Variants in KCNH8 observed in about 807,000 individuals in gnomAD.
KCNH8 encodes the protein voltage-gated delayed rectifier potassium channel KCNH8.
A neutral mutation model predicts 103.6 loss-of-function variants in KCNH8; 70 were observed. The ratio of observed to expected loss-of-function variants is 0.68; its 90% CI spans 0.56 to 0.82. The LOEUF is 0.82. Among genes scored for constraint, KCNH8 ranks in the 40% least tolerant of loss-of-function variants. The pLI is 0.00. For missense variants in KCNH8, 1,217 were observed against 1,329.9 expected, an observed-to-expected ratio of 0.92 and a Z score of 1.32; for synonymous variants, 498 against 489.4, an observed-to-expected ratio of 1.02 and a Z score of -0.23.
At chr3:19,426,229 C>G (rs1575053105) in intron 7 of KCNH8, among the ~76,000 whole-genome samples, 1 of 152,112 alleles carries the variant, frequency 6.6e-6, no homozygotes, top group East Asian at 1.9e-4. Flanking sequence ...CCCATTGTTG[C>G]TATGCCTCTT....
chr3:19,225,277 T>A (rs1199048852), intron 1 of KCNH8, among the ~76,000 whole-genome samples: 2 of 151,768 alleles, frequency 1.3e-5, no homozygotes, highest in Non-Finnish European at 2.9e-5. Flanking sequence ...AAAAATCCAA[T>A]CCATTATTTT....
At chr3:19,503,708 C>T (rs1308533908) in intron 11 of KCNH8, among the ~76,000 whole-genome samples, 1 of 143,660 alleles carries the variant, frequency 7.0e-6, no homozygotes, top group African/African-American at 2.6e-5. Context: ...TATTCTCACT[C>T]ATAGGTGGGA....
At chr3:19,358,511 A>G (rs563579255) in intron 5 of KCNH8, among the ~76,000 whole-genome samples, 43 of 151,962 alleles carry the variant, frequency 2.8e-4, no homozygotes, top group Non-Finnish European at 5.9e-4. Context: ...GATAAAACAA[A>G]ATTTGAAATG....
chr3:19,331,291 GTTA>G lies in KCNH8; in HGVS notation c.443-11281_443-11279del, dbSNP rs911773304. ...TTTATTTATTTATTTATTTATTGTT[GTTA>G]TTATTATTATTATTTTGAGATGGAG... On this transcript the variant is annotated intron_variant, in intron 3 of 15. Coordinates refer to ENST00000328405, the MANE Select transcript of KCNH8 (RefSeq NM_144633.3). Among the ~76,000 whole-genome samples the G allele has an allele frequency of 5.4e-5, 6 of 111,688 alleles. No homozygotes were observed. In the East Asian group the frequency reaches 8.8e-4, roughly 16 times the overall value. The allele number at this position is 111,688 out of a possible 152,430, so 73.3% of individuals were successfully genotyped here. A position where few individuals can be genotyped will look rare whatever the true frequency, so the allele number is the denominator to read the frequency against.
chr3:19,531,864 G>T (rs2069167519), intron 15 of KCNH8, among the ~76,000 whole-genome samples: 2 of 152,156 alleles, frequency 1.3e-5, no homozygotes, highest in South Asian at 4.1e-4. Context: ...TTAGCCCATA[G>T]GTTCAGCTGC....
chr3:19,345,056 G>A (rs2065711638), intron 4 of KCNH8, among the ~76,000 whole-genome samples: 1 of 152,058 alleles, frequency 6.6e-6, no homozygotes, highest in African/African-American at 2.4e-5. Context: ...TCATTAGCAG[G>A]TTTGGGAATC....
At chr3:19,305,104 GAAAAA>G (rs976869588) in intron 3 of KCNH8, among the ~76,000 whole-genome samples, 1 of 144,090 alleles carries the variant, frequency 6.9e-6, no homozygotes, top group Non-Finnish European at 1.5e-5. Flanking sequence ...CAGAAAAAAG[GAAAAA>G]AAAAAAGTGC....
intron 3 of KCNH8, among the ~76,000 whole-genome samples, chr3:19,298,891 C>T (rs183400624): frequency 4.8e-5 from 7 of 145,336 alleles, no homozygotes; most frequent in African/African-American, 1.0e-4. Context: ...CACTGCACTC[C>T]GGCCTGGGCG....
At chr3:19,347,021 T>C (rs538923933) in intron 4 of KCNH8, among the ~76,000 whole-genome samples, 8 of 152,092 alleles carry the variant, frequency 5.3e-5, no homozygotes, top group East Asian at 3.9e-4. Context: ...ACAGTGAACA[T>C]TGGCTTTCTC....
At chr3:19,438,763 T>C (rs2067237083) in intron 8 of KCNH8, among the ~76,000 whole-genome samples, 1 of 152,194 alleles carries the variant, frequency 6.6e-6, no homozygotes, top group Non-Finnish European at 1.5e-5. Flanking sequence ...AACCTGAATT[T>C]TCCTAGATCC....
chr3:19,269,269 A>G (rs1340417312), intron 2 of KCNH8, among the ~76,000 whole-genome samples: 1 of 152,028 alleles, frequency 6.6e-6, no homozygotes, highest in Non-Finnish European at 1.5e-5. Flanking sequence ...AAGGAGAGCT[A>G]TTTTTCTTTA....
chr3:19,272,082 T>C (rs1049220769), intron 2 of KCNH8, among the ~76,000 whole-genome samples: 3 of 152,130 alleles, frequency 2.0e-5, no homozygotes, highest in Non-Finnish European at 4.4e-5. Context: ...TTTTCCTGGC[T>C]TCATTATTGA....
At chr3:19,475,937 C>A (rs909302850) in intron 11 of KCNH8, among the ~76,000 whole-genome samples, 1 of 152,144 alleles carries the variant, frequency 6.6e-6, no homozygotes, top group Non-Finnish European at 1.5e-5. Context: ...CCTTCTGATG[C>A]TCCACGCACC....
Position 19,451,148 on chromosome 3 carries a change from C to A in KCNH8, c.1576-7C>A. The A allele has an allele frequency of 6.2e-7, 1 of 1,613,416 alleles. No homozygotes were observed. The highest frequency in any genetic ancestry group is 8.5e-7 in the Non-Finnish European group (1 of 1,179,438). On this transcript the variant is annotated splice_region_variant and splice_polypyrimidine_tract_variant and intron_variant, in intron 9 of 15. Transcript: ENST00000328405. ...AATTTGATTTCCTCCTTCATCTTCTCTGACAGCTTTTGAAAGACTTTCCAG... is the reference window on the plus strand; with the variant it reads ...AATTTGATTTCCTCCTTCATCTTCTATGACAGCTTTTGAAAGACTTTCCAG...
intron 2 of KCNH8, among the ~76,000 whole-genome samples, chr3:19,264,338 A>C (rs1221561873): frequency 6.6e-6 from 1 of 152,052 alleles, no homozygotes; most frequent in Admixed American, 6.6e-5. Context: ...TAAGCTTTGT[A>C]TTTGTAAATG....
At chr3:19,449,729 T>G (rs988765238) in intron 8 of KCNH8, among the ~76,000 whole-genome samples, 1 of 152,076 alleles carries the variant, frequency 6.6e-6, no homozygotes, top group Non-Finnish European at 1.5e-5. Flanking sequence ...TGAAGACTAT[T>G]TTATTGTAAC....
chr3:19,263,570 G>C (rs1182610474), intron 2 of KCNH8, among the ~76,000 whole-genome samples: 1 of 152,046 alleles, frequency 6.6e-6, no homozygotes, highest in Non-Finnish European at 1.5e-5. Context: ...GCCTACGCAA[G>C]GCCTCGTCAG....
At chr3:19,319,081 T>C (rs2065315555) in intron 3 of KCNH8, among the ~76,000 whole-genome samples, 2 of 152,114 alleles carry the variant, frequency 1.3e-5, no homozygotes, top group Non-Finnish European at 2.9e-5. Flanking sequence ...GTCAGATGTA[T>C]AGATTGTGAA....
chr3:19,392,376 T>G (rs190295245), intron 6 of KCNH8, among the ~76,000 whole-genome samples: 9 of 151,404 alleles, frequency 5.9e-5, no homozygotes, highest in Admixed American at 5.9e-4. Context: ...GTGATACTTG[T>G]TCTGCTTTTC....
Sources: gnomAD v4.1 joint callset for allele counts (sites outside exome capture counted in the v4.1 genomes callset) on GRCh38, gnomAD v4.1.1 for gene constraint, MANE v1.5 for transcripts, NCBI Gene and HGNC (gene_info 2026-07-23, HGNC 2026-07-21) for gene names.